PAIP2: variants seen among roughly 807,000 people sequenced by gnomAD.
PAIP2 encodes the protein poly(A) binding protein interacting protein 2.
In PAIP2, 7 loss-of-function variants were observed where a neutral mutation model predicts 14.8. That is an observed-to-expected ratio of 0.47 (90% CI 0.27 to 0.89). The LOEUF (loss-of-function observed/expected upper bound fraction) is 0.89, where lower values mean the gene tolerates loss of function less well. PAIP2 is among the 40% of genes least tolerant of loss of function. The pLI is 0.13. For synonymous variants in PAIP2, 47 were observed against 45.3 expected, an observed-to-expected ratio of 1.04 and a Z score of -0.15; for missense variants, 122 against 154.7, an observed-to-expected ratio of 0.79 and a Z score of 1.12.
At chr5:139,367,164 G>A (rs1171932589) in intron 3 of PAIP2, 1 of 152,164 alleles carries the variant, frequency 6.6e-6, no homozygotes. Context: ...CCTGTCCAAA[G>A]AAACTGCTAT....
intron 3 of PAIP2, chr5:139,365,200 AT>A (rs1296119674): frequency 6.8e-6 from 1 of 147,764 alleles, no homozygotes; most frequent in East Asian, 2.0e-4. Context: ...AAAATACAAA[AT>A]TTGGCCAGGC....
chr5:139,363,827 A>G lies in PAIP2; in HGVS notation c.43A>G (p.Asn15Asp). The change falls in exon 2 of 4, where the codon AAT becomes GAT. Residue 15 changes from asparagine (N) to aspartate (D), a missense_variant. Physicochemically the swap from Asn to Asp is conservative, Grantham distance 23. Coordinates refer to ENST00000265192, the MANE Select transcript of PAIP2 (RefSeq NM_016480.5). The part of the protein sequence containing the change: ...SRSSTSPSII[N>D]EDVIINGHSH... ...CAGCAGTACTAGCCCAAGCATCATC[A>G]ATGAAGATGTGATTATTAACGGTCA... 6.2e-7 allele frequency: 1 copy of G among 1,614,134 alleles called. No individual in the cohort carries two copies. Among genetic ancestry groups the G allele is most frequent in the Admixed American group, 1.7e-5 (1 of 60,018 alleles).
At chr5:139,349,871 G>A (rs891563371) in intron 1 of PAIP2, among the ~76,000 whole-genome samples, 11 of 151,882 alleles carry the variant, frequency 7.2e-5, no homozygotes, top group Non-Finnish European at 1.0e-4. Flanking sequence ...ACATGGTGGC[G>A]TGCACCTGTG....
At chr5:139,349,304 A>G (rs1211123536) in intron 1 of PAIP2, among the ~76,000 whole-genome samples, 1 of 152,060 alleles carries the variant, frequency 6.6e-6, no homozygotes, top group East Asian at 1.9e-4. Flanking sequence ...GCTGGAGTAC[A>G]GTGGTGTGAT....
At chr5:139,365,131 T>C (rs1384478577) in intron 3 of PAIP2, 1 of 127,348 alleles carries the variant, frequency 7.9e-6, no homozygotes, top group Non-Finnish European at 1.6e-5. Context: ...GCAACAAGAG[T>C]GAAACTCTAT....
At chr5:139,358,270 C>T (rs568912243) in intron 1 of PAIP2, among the ~76,000 whole-genome samples, 1 of 152,286 alleles carries the variant, frequency 6.6e-6, no homozygotes, top group South Asian at 2.1e-4. Context: ...ATCCCTACAT[C>T]CACAGGACTT....
chr5:139,345,626 A>G (rs1308121829), intron 1 of PAIP2, among the ~76,000 whole-genome samples: 1 of 138,966 alleles, frequency 7.2e-6, no homozygotes, highest in Non-Finnish European at 1.6e-5. Flanking sequence ...CTATGCTTGA[A>G]TTTTTTTTTT....
rs78351454 is a variant in PAIP2 at position 139,350,938 on chromosome 5, A to C, written c.-27+8958A>C. Among the ~76,000 whole-genome samples the C allele has an allele frequency of 1.7e-3, 260 of 152,292 alleles. 7 individuals are homozygous for C. In the East Asian group the frequency reaches 0.046, roughly 27 times the overall value. On this transcript the variant is annotated intron_variant, in intron 1 of 3. Coordinates refer to ENST00000265192, the MANE Select transcript of PAIP2 (RefSeq NM_016480.5). ...GATGATGTAATTTATATGGAGAAAT[A>C]TAGATCCTTCACATATTCAAATGTT...
At chr5:139,346,166 C>T (rs61602146) in intron 1 of PAIP2, among the ~76,000 whole-genome samples, 1 of 152,296 alleles carries the variant, frequency 6.6e-6, no homozygotes, top group Non-Finnish European at 1.5e-5. Flanking sequence ...AAAAATTGCT[C>T]TTACCTATCC....
In PAIP2 at chr5:139,368,899, C is replaced by A; in HGVS notation, c.*101C>A. 1 of 859,250 alleles carries A rather than the reference C, an allele frequency of 1.2e-6. No individual in the cohort carries two copies. Among genetic ancestry groups the A allele is most frequent in the Non-Finnish European group, 1.9e-6 (1 of 535,570 alleles). The allele number at this position is 859,250 out of a possible 1,614,324, so 53.2% of individuals were successfully genotyped here. A position where few individuals can be genotyped will look rare whatever the true frequency, so the allele number is the denominator to read the frequency against. On this transcript the variant is annotated 3_prime_UTR_variant, in exon 4 of 4. Coordinates refer to ENST00000265192, the MANE Select transcript of PAIP2 (RefSeq NM_016480.5). ...AAAGCTCTCTTGTCACTGTGTTACA[C>A]TTATGCATTGCCAAAGTTTTTGTTA... is the stretch of plus-strand genomic sequence containing the variant.
chr5:139,350,425 G>A (rs890308192), intron 1 of PAIP2, among the ~76,000 whole-genome samples: 3 of 151,996 alleles, frequency 2.0e-5, no homozygotes, highest in Non-Finnish European at 2.9e-5. Context: ...GAGGTCAGGA[G>A]TTGGAGACCA....
chr5:139,363,389 C>G (rs139111237), intron 1 of PAIP2, among the ~76,000 whole-genome samples: 1 of 152,108 alleles, frequency 6.6e-6, no homozygotes, highest in Non-Finnish European at 1.5e-5. Context: ...AACACCTATT[C>G]ATGATGCCTG....
intron 3 of PAIP2, among the ~76,000 whole-genome samples, chr5:139,368,093 TG>T (rs1757390053): frequency 6.6e-6 from 1 of 152,256 alleles, no homozygotes; most frequent in Admixed American, 6.5e-5. Context: ...CCCAGCACTT[TG>T]GGAGGCCAAG....
chr5:139,363,811 T>C lies in PAIP2; in HGVS notation c.27T>C (p.Thr9=), dbSNP rs765343045. 6.2e-7 allele frequency: 1 copy of C among 1,614,178 alleles called. No individual in the cohort carries two copies. The highest frequency in any genetic ancestry group is 8.5e-7 in the Non-Finnish European group (1 of 1,179,998). MKDPSRSS[T]SPSIINEDVI... is the part of the protein sequence containing the mutation. ...TGAAAGATCCAAGTCGCAGCAGTAC[T>C]AGCCCAAGCATCATCAATGAAGATG... The change falls in exon 2 of 4, where the codon ACT becomes ACC. Residue 9 remains threonine (T), a synonymous_variant. Coordinates refer to ENST00000265192, the MANE Select transcript of PAIP2 (RefSeq NM_016480.5).
intron 1 of PAIP2, among the ~76,000 whole-genome samples, chr5:139,354,425 C>G (rs567968991): frequency 2.0e-5 from 3 of 152,102 alleles, no homozygotes; most frequent in African/African-American, 4.8e-5. Context: ...AGTTGCTTCT[C>G]TTGGTGTTTT....
In PAIP2 at chr5:139,368,865, T is replaced by C. The variant is rs1757471535; in HGVS notation, c.*67T>C. ...CACTGTGAAGGCAGTATTAGAAGAC[T>C]TAATTGTAAAAGCTCTCTTGTCACT... On this transcript the variant is annotated 3_prime_UTR_variant, in exon 4 of 4. Transcript: ENST00000265192. 2 of 1,182,964 alleles carry C rather than the reference T, an allele frequency of 1.7e-6. No individual in the cohort carries two copies. Among genetic ancestry groups the C allele is most frequent in the Non-Finnish European group, 2.5e-6 (2 of 799,232 alleles). 73.3% of individuals were successfully genotyped at this position (1,182,964 alleles called of 1,614,324 possible).
chr5:139,351,064 G>C (rs1368811921), intron 1 of PAIP2, among the ~76,000 whole-genome samples: 1 of 152,134 alleles, frequency 6.6e-6, no homozygotes, highest in Admixed American at 6.6e-5. Flanking sequence ...CTTCCCAGAA[G>C]CTGTAAAGGA....
chr5:139,366,399 C>T (rs914596234), intron 3 of PAIP2, among the ~76,000 whole-genome samples: 47 of 152,098 alleles, frequency 3.1e-4, no homozygotes, highest in Non-Finnish European at 2.6e-4. Context: ...TTTAAAAGTA[C>T]TACAGAGGAT....
At chr5:139,360,979 C>T (rs143792107) in intron 1 of PAIP2, among the ~76,000 whole-genome samples, 1 of 152,110 alleles carries the variant, frequency 6.6e-6, no homozygotes, top group Non-Finnish European at 1.5e-5. Context: ...ATGGGGTTCT[C>T]TATGTTGCCC....
Sources: gnomAD v4.1 joint callset for allele counts (sites outside exome capture counted in the v4.1 genomes callset) on GRCh38, gnomAD v4.1.1 for gene constraint, MANE v1.5 for transcripts, NCBI Gene and HGNC (gene_info 2026-07-23, HGNC 2026-07-21) for gene names.